DCHS2: variants seen among roughly 807,000 people sequenced by gnomAD.
DCHS2 encodes protocadherin-23.
Under a neutral mutation model 182.4 loss-of-function variants are expected in DCHS2, and 142 were observed. The ratio of observed to expected loss-of-function variants is 0.78; its 90% CI spans 0.68 to 0.89. The LOEUF is 0.89. Among genes scored for constraint, DCHS2 ranks in the 40% least tolerant of loss-of-function variants. The pLI, the probability that DCHS2 is intolerant of heterozygous loss-of-function variation, is 0.00. For synonymous variants in DCHS2, 1,740 were observed against 1,663.3 expected (o/e 1.05, Z -1.12); for missense variants, 4,319 against 4,198.6 (o/e 1.03, Z -0.79).
At chr4:154,271,806 T>C (rs1733610493) in intron 13 of DCHS2, among the ~76,000 whole-genome samples, 1 of 152,194 alleles carries the variant, frequency 6.6e-6, no homozygotes, top group South Asian at 2.1e-4. Flanking sequence ...ATTTTAAATA[T>C]AGAGTTCTAT....
At chr4:154,259,849 G>A in intron 14 of DCHS2, 93 bp from the exon 15 acceptor site, 1 of 1,335,480 alleles carries the variant, frequency 7.5e-7, no homozygotes, top group Non-Finnish European at 9.8e-7. Flanking sequence ...TTGAGACAGA[G>A]TCTCGCACTG....
chr4:154,277,165 G>T (rs1439220456), intron 13 of DCHS2, among the ~76,000 whole-genome samples: 1 of 152,066 alleles, frequency 6.6e-6, no homozygotes, highest in African/African-American at 2.4e-5. Context: ...TTTTCTTACT[G>T]CCACTCTTAA....
At chr4:154,457,029 G>A (rs1425569336) in intron 1 of DCHS2, among the ~76,000 whole-genome samples, 2 of 152,104 alleles carry the variant, frequency 1.3e-5, no homozygotes, top group Non-Finnish European at 2.9e-5. Context: ...ATGAAGGCAT[G>A]ACCATCTGTT....
chr4:154,291,573 GA>G (rs775482736), intron 13 of DCHS2, among the ~76,000 whole-genome samples: 4 of 152,024 alleles, frequency 2.6e-5, no homozygotes, highest in Non-Finnish European at 5.9e-5. Context: ...AACGGATAAA[GA>G]AAATGTGGTA....
intron 2 of DCHS2, among the ~76,000 whole-genome samples, chr4:154,376,078 G>A (rs1730877732): frequency 6.6e-6 from 1 of 152,042 alleles, no homozygotes; most frequent in South Asian, 2.1e-4. Context: ...AGGGATGGGG[G>A]CATGGAGGGG....
chr4:154,329,040 G>T (rs1736406804), intron 6 of DCHS2, among the ~76,000 whole-genome samples: 1 of 152,212 alleles, frequency 6.6e-6, no homozygotes, highest in East Asian at 1.9e-4. Context: ...AAAAAGATGA[G>T]ATAATATAAA....
intron 13 of DCHS2, among the ~76,000 whole-genome samples, chr4:154,282,673 G>T (rs901415519): frequency 6.6e-6 from 1 of 151,874 alleles, no homozygotes; most frequent in Non-Finnish European, 1.5e-5. Flanking sequence ...TCCACTTCAG[G>T]ATATATATCC....
intron 12 of DCHS2, 150 bp downstream of exon 12, chr4:154,304,519 C>A: frequency 1.7e-6 from 1 of 593,630 alleles, no homozygotes. Flanking sequence ...AAAATACTTA[C>A]CAATTTGGGA....
intron 1 of DCHS2, among the ~76,000 whole-genome samples, chr4:154,378,007 G>GAT (rs1730991427): frequency 6.6e-6 from 1 of 152,090 alleles, no homozygotes; most frequent in Admixed American, 6.6e-5. Context: ...CTTTCCTTCT[G>GAT]GGAGTAATGT....
chr4:154,234,742 C>T lies in DCHS2; in HGVS notation c.9910G>A (p.Val3304Met). The T allele has an allele frequency of 2.5e-6, 4 of 1,613,776 alleles. No individual in the cohort carries two copies. Among genetic ancestry groups the T allele is most frequent in the African/African-American group, 2.7e-5 (2 of 74,974 alleles). ...GGAGAGCGTGGGTGTTTCGGAGGCA[C>T]CTGCCCCAGGTTTACTGCCGGCATT... The part of the protein sequence containing the change: ...PRMPAVNLGQ[V>M]PPKHPRSPIP... Residue 3304 changes from valine (V) to methionine (M), a missense_variant, in exon 20 of 20, where the codon GTG (valine) becomes ATG (methionine). Val to Met is a conservative substitution (Grantham distance 21). Coordinates refer to ENST00000357232, the MANE Select transcript of DCHS2 (RefSeq NM_001358235.2).
intron 3 of DCHS2, among the ~76,000 whole-genome samples, chr4:154,358,142 G>A (rs13117053): frequency 0.85 from 129,421 of 152,186 alleles, 55,167 homozygotes; most frequent in South Asian, 0.93. Context: ...GAATTTGTAT[G>A]TATCTTAGTT....
intron 18 of DCHS2, among the ~76,000 whole-genome samples, chr4:154,240,296 C>T (rs1731741258): frequency 2.0e-5 from 2 of 98,152 alleles, no homozygotes; most frequent in African/African-American, 6.4e-5. Flanking sequence ...TGGACTACAA[C>T]CTCTAAAAAC....
chr4:154,300,357 T>C (rs1478830069), intron 12 of DCHS2, among the ~76,000 whole-genome samples: 2 of 152,038 alleles, frequency 1.3e-5, no homozygotes, highest in Non-Finnish European at 2.9e-5. Flanking sequence ...AAATTTCTAT[T>C]TTAAGAATAG....
intron 1 of DCHS2, among the ~76,000 whole-genome samples, chr4:154,416,342 C>T (rs978803476): frequency 9.9e-5 from 15 of 152,218 alleles, no homozygotes; most frequent in Non-Finnish European, 1.9e-4. Flanking sequence ...GACCTCACAG[C>T]GCCCCCACCT....
intron 13 of DCHS2, among the ~76,000 whole-genome samples, chr4:154,273,454 G>T (rs4321616): frequency 6.6e-6 from 1 of 151,782 alleles, no homozygotes; most frequent in East Asian, 1.9e-4. Context: ...GGGGACTTGG[G>T]GGAAAAGGTG....
At chr4:154,409,862 A>G (rs188156797) in intron 1 of DCHS2, among the ~76,000 whole-genome samples, 1 of 152,302 alleles carries the variant, frequency 6.6e-6, no homozygotes, top group Admixed American at 6.5e-5. Context: ...CACCACTGCC[A>G]CAAACTCCTG....
chr4:154,377,999 T>G (rs891100669), intron 1 of DCHS2, among the ~76,000 whole-genome samples: 1 of 152,102 alleles, frequency 6.6e-6, no homozygotes, highest in African/African-American at 2.4e-5. Context: ...CTGGCCAGCT[T>G]TCCTTCTGGG....
Position 154,423,874 on chromosome 4 carries a change from A to G in DCHS2, c.2053-46430T>C, listed in dbSNP as rs1055419626. Among the ~76,000 whole-genome samples the G allele has an allele frequency of 6.6e-5, 10 of 152,316 alleles. 1 individual carries two copies. Among genetic ancestry groups the G allele is most frequent in the Admixed American group, 6.5e-4 (10 of 15,300 alleles). Reference sequence around the variant, plus strand: ...CCCTAAATCTGGGATGGAGCCTGAGATTCTACATTTCTAACAATCTCCTGG... The same window carrying G: ...CCCTAAATCTGGGATGGAGCCTGAGGTTCTACATTTCTAACAATCTCCTGG... On this transcript the variant is annotated intron_variant, in intron 1 of 19. Transcript: ENST00000357232.
At chr4:154,439,402 C>T (rs1027572644) in intron 1 of DCHS2, among the ~76,000 whole-genome samples, 1 of 121,176 alleles carries the variant, frequency 8.3e-6, no homozygotes, top group Non-Finnish European at 1.9e-5. Flanking sequence ...TACATTTTCA[C>T]TCTTAATTTT....
Sources: gnomAD v4.1 joint callset for allele counts (sites outside exome capture counted in the v4.1 genomes callset) on GRCh38, gnomAD v4.1.1 for gene constraint, MANE v1.5 for transcripts, NCBI Gene and HGNC (gene_info 2026-07-23, HGNC 2026-07-21) for gene names.